Variants in FAT4 observed in about 807,000 individuals in gnomAD.
FAT4 encodes protocadherin Fat 4.
Under a neutral mutation model 303.9 loss-of-function variants are expected in FAT4, and 84 were observed. The observed-to-expected ratio is 0.28, with a 90% CI of 0.23 to 0.33. FAT4 has a LOEUF of 0.33. Among genes scored for constraint, FAT4 ranks in the 10% least tolerant of loss-of-function variants. The pLI, the probability that FAT4 is intolerant of heterozygous loss-of-function variation, is 1.00. For missense variants in FAT4, 6,005 were observed against 6,146.8 expected (o/e 0.98, Z 0.77); for synonymous variants, 2,307 against 2,298.8 (o/e 1.00, Z -0.10).
rs1460244129 is a variant in FAT4 at position 125,415,626 on chromosome 4, G to T, written c.6663G>T (p.Lys2221Asn). 16 of 1,613,868 alleles carry T rather than the reference G, an allele frequency of 9.9e-6. No individual in the cohort carries two copies. The highest frequency in any genetic ancestry group is 1.4e-5 in the Non-Finnish European group (16 of 1,179,972). ...TCGCTAAACCTTTGGATAGAGAAAA[G>T]ACCCCTACCTACCATTTAACTGTTC... ...ITVAKPLDRE[K>N]TPTYHLTVQA... Residue 2221 changes from lysine to asparagine, a missense_variant, in exon 6 of 18, where the codon AAG (lysine) becomes AAT (asparagine). By Grantham distance (94) the Lys-to-Asn change is moderately conservative. Coordinates refer to ENST00000394329, the MANE Select transcript of FAT4 (RefSeq NM_001291303.3).
In FAT4 at chr4:125,415,138, A is replaced by T. The variant is rs1734994236; in HGVS notation, c.6175A>T (p.Ile2059Phe). 1 of 1,613,930 alleles carries T rather than the reference A, an allele frequency of 6.2e-7. No individual in the cohort carries two copies. The highest frequency in any genetic ancestry group is 8.5e-7 in the Non-Finnish European group (1 of 1,179,968). Residue 2059 changes from isoleucine (I) to phenylalanine (F), a missense_variant, in exon 6 of 18, where the codon ATT becomes TTT. By Grantham distance (21) the Ile-to-Phe change is conservative. Transcript: ENST00000394329. ...ATTTCTTTCCCCTAAATTGACATAC[A>T]TTCCAGAAAATACACCTATTGATAC... ...PTFLSPKLTY[I>F]PENTPIDTVV...
Position 125,490,903 on chromosome 4 carries a change from C to A in FAT4, c.14087C>A (p.Thr4696Asn). The stretch of plus-strand genomic sequence containing the variant: ...TCCCTAAGCCACTCAGCATGCCCAA[C>A]TCCCAACCCTCTGTCTCGACACAGT... ...TSSLSHSACP[T>N]PNPLSRHSPA... Residue 4696 changes from threonine (T) to asparagine (N), a missense_variant, in exon 18 of 18, where the codon ACT (threonine) becomes AAT (asparagine). By Grantham distance (65) the Thr-to-Asn change is moderately conservative. Coordinates refer to ENST00000394329, the MANE Select transcript of FAT4 (RefSeq NM_001291303.3). The A allele has an allele frequency of 6.2e-7, 1 of 1,614,236 alleles. No homozygotes were observed. The highest frequency in any genetic ancestry group is 8.5e-7 in the Non-Finnish European group (1 of 1,180,042).
rs1225716015 is a variant in FAT4, at chr4:125,321,605, TTTA to T, written c.5175+25_5175+27del. ...AGCAGAGGTAATGATTTTGTAGTCA[TTTA>T]TTATTTGTTGATTTGCTTTTTAGAA... On this transcript the variant is annotated intron_variant, in intron 2 of 17. Transcript: ENST00000394329. 4 of 1,552,602 alleles carry T rather than the reference TTTA, an allele frequency of 2.6e-6. No homozygotes were observed. The highest frequency in any genetic ancestry group is 3.5e-6 in the Non-Finnish European group (4 of 1,152,752).
At chr4:125,475,503 A>G (rs916753110) in intron 12 of FAT4, among the ~76,000 whole-genome samples, 1 of 152,128 alleles carries the variant, frequency 6.6e-6, no homozygotes, top group African/African-American at 2.4e-5. Flanking sequence ...CTACTTAGTC[A>G]TTATTTAAAT....
intron 2 of FAT4, among the ~76,000 whole-genome samples, chr4:125,345,894 T>C (rs536768324): frequency 6.6e-6 from 1 of 152,114 alleles, no homozygotes; most frequent in Non-Finnish European, 1.5e-5. Context: ...GCTGTTGTTA[T>C]CTGTATGAGA....
chr4:125,372,003 T>G (rs1329907783), intron 2 of FAT4, among the ~76,000 whole-genome samples: 1 of 152,014 alleles, frequency 6.6e-6, no homozygotes, highest in Non-Finnish European at 1.5e-5. Context: ...CTGAATATTT[T>G]TTGAATAAAA....
At chr4:125,444,357 G>T (rs1296183431) in intron 8 of FAT4, among the ~76,000 whole-genome samples, 1 of 152,048 alleles carries the variant, frequency 6.6e-6, no homozygotes, top group Non-Finnish European at 1.5e-5. Context: ...AGGGAATCAG[G>T]CTGAACTCAT....
intron 13 of FAT4, among the ~76,000 whole-genome samples, 173 bp from the exon 14 acceptor site, chr4:125,476,982 A>G (rs553688624): frequency 1.6e-4 from 25 of 152,130 alleles, no homozygotes; most frequent in African/African-American, 4.8e-4. Context: ...ATAATTCGGA[A>G]GTCTAACAAC....
At chr4:125,386,258 G>A (rs967611900) in intron 2 of FAT4, among the ~76,000 whole-genome samples, 7 of 152,016 alleles carry the variant, frequency 4.6e-5, no homozygotes, top group South Asian at 2.1e-4. Context: ...AAAGAAGCAG[G>A]CTTTCTGAGT....
At chr4:125,366,025 G>A (rs1306429669) in intron 2 of FAT4, among the ~76,000 whole-genome samples, 3 of 152,072 alleles carry the variant, frequency 2.0e-5, no homozygotes, top group African/African-American at 7.2e-5. Flanking sequence ...CTATTGTGAA[G>A]TGAGCATGTG....
chr4:125,472,881 T>G (rs1726911700), intron 12 of FAT4, among the ~76,000 whole-genome samples: 2 of 152,166 alleles, frequency 1.3e-5, no homozygotes, highest in African/African-American at 4.8e-5. Context: ...CCTACCAGGT[T>G]ATTAAATGTA....
chr4:125,388,130 A>C (rs778839481), intron 2 of FAT4, among the ~76,000 whole-genome samples: 43 of 152,170 alleles, frequency 2.8e-4, no homozygotes, highest in Non-Finnish European at 5.0e-4. Flanking sequence ...GGTAGAAAAG[A>C]ATAAGTGTAT....
intron 5 of FAT4, among the ~76,000 whole-genome samples, chr4:125,410,612 T>A (rs569156742): frequency 6.6e-6 from 1 of 152,268 alleles, no homozygotes; most frequent in South Asian, 2.1e-4. Flanking sequence ...ATTTATTAGT[T>A]ATGTATTAGA....
At chr4:125,468,422 T>C (rs1353347359) in intron 11 of FAT4, 90 bp from the exon 12 acceptor site, 11 of 957,328 alleles carry the variant, frequency 1.1e-5, no homozygotes, top group Non-Finnish European at 1.5e-5. Flanking sequence ...AAAAGATATC[T>C]CATTTTATAA....
chr4:125,414,777 G>T, intron 5 of FAT4, 107 bp from the exon 6 acceptor site: 2 of 682,872 alleles, frequency 2.9e-6, no homozygotes, highest in East Asian at 5.1e-5. Flanking sequence ...AGTGTGTTTG[G>T]ATGCACGGCA....
In FAT4 at chr4:125,451,712, C is replaced by T; in HGVS notation, c.10702C>T (p.Leu3568=). The change falls in exon 10 of 18, where the codon CTG becomes TTG. Residue 3568 remains leucine (L), a synonymous_variant. Transcript: ENST00000394329. ...SYFSLSTAGV[L]STTREIDREQ... is the part of the protein sequence containing the mutation. ...TTTCAGTCTGAGCACTGCTGGAGTT[C>T]TGAGCACAACCAGAGAGATTGACAG... The T allele has an allele frequency of 6.2e-7, 1 of 1,614,150 alleles. No individual in the cohort carries two copies. Among genetic ancestry groups the T allele is most frequent in the Non-Finnish European group, 8.5e-7 (1 of 1,180,010 alleles).
chr4:125,391,128 G>A (rs1324610809), intron 2 of FAT4, among the ~76,000 whole-genome samples: 1 of 152,134 alleles, frequency 6.6e-6, no homozygotes. Flanking sequence ...CAAGGATCTA[G>A]AATCAGAAGT....
At position 125,320,129 on chromosome 4, in the gene FAT4, G is replaced by A. The variant is rs564198712; in HGVS notation, c.3718G>A (p.Gly1240Ser). The A allele has an allele frequency of 1.2e-6, 2 of 1,613,870 alleles. No homozygotes were observed. The highest frequency in any genetic ancestry group is 2.7e-5 in the African/African-American group (2 of 74,914). Residue 1240 changes from glycine (G) to serine (S), a missense_variant, in exon 2 of 18, where the codon GGT becomes AGT. Coordinates refer to ENST00000394329, the MANE Select transcript of FAT4 (RefSeq NM_001291303.3). The stretch of plus-strand genomic sequence containing the variant: ...AGTATCTGCCTCAGATGTTGATGAA[G>A]GTAATAATGGACTTATTCACTATTC... The part of the protein sequence containing the change: ...LRVSASDVDE[G>S]NNGLIHYSII...
intron 2 of FAT4, among the ~76,000 whole-genome samples, chr4:125,341,255 A>G (rs561728900): frequency 1.3e-5 from 2 of 152,286 alleles, no homozygotes; most frequent in South Asian, 4.1e-4. Context: ...TCCCTAGGAA[A>G]GCATATTTAA....
Sources: allele counts gnomAD v4.1 joint callset (sites outside exome capture counted in the v4.1 genomes callset), GRCh38; gene constraint gnomAD v4.1.1; transcripts MANE v1.5; gene names NCBI Gene and HGNC (gene_info 2026-07-23, HGNC 2026-07-21).